Variants in PCDHGC3 observed in about 807,000 individuals in gnomAD.
PCDHGC3 encodes the protein protocadherin gamma-C3.
Under a neutral mutation model 59.2 loss-of-function variants are expected in PCDHGC3, and 26 were observed. The observed-to-expected ratio is 0.44, with a 90% CI of 0.32 to 0.61. PCDHGC3 has a LOEUF of 0.61. Among genes scored for constraint, PCDHGC3 ranks in the 20% least tolerant of loss-of-function variants. PCDHGC3 has a pLI of 0.05. For missense variants in PCDHGC3, 1,080 were observed against 1,221.8 expected (o/e 0.88, Z 1.73); for synonymous variants, 487 against 519.7 (o/e 0.94, Z 0.86).
At position 141,477,386 on chromosome 5, in the gene PCDHGC3, A is replaced by C; in HGVS notation, c.1270A>C (p.Asn424His). 1 of 1,614,116 alleles carries C rather than the reference A, an allele frequency of 6.2e-7. No homozygotes were observed. Among genetic ancestry groups the C allele is most frequent in the South Asian group, 1.1e-5 (1 of 91,080 alleles). Residue 424 changes from asparagine (N) to histidine (H), a missense_variant, in exon 1 of 4, where the codon AAC (asparagine) becomes CAC (histidine). Asn to His is a moderately conservative substitution (Grantham distance 68). Coordinates refer to ENST00000308177, the MANE Select transcript of PCDHGC3 (RefSeq NM_002588.4). The surrounding 1 kb of genome is among the most constrained non-coding windows in gnomAD (Gnocchi z 4.9). ...DLDRETVPEY[N>H]LSITARDAGT... ...GGATCGGGAGACTGTGCCAGAATAC[A>C]ACCTCAGCATCACCGCCCGAGACGC...
rs143779180 is a variant in PCDHGC3 at position 141,485,438 on chromosome 5, C to A, written c.2430+6892C>A. The A allele has an allele frequency of 9.9e-6, 16 of 1,614,170 alleles. No individual in the cohort carries two copies. The African/African-American group carries it at 1.3e-4, about 13-fold the overall frequency. Reference sequence around the variant, plus strand: ...CAGCGGAGCCCTGCTCATCAAGAACCCAATCGACCGAGAGGCACTGTGTGG... The same window carrying A: ...CAGCGGAGCCCTGCTCATCAAGAACACAATCGACCGAGAGGCACTGTGTGG... On this transcript the variant is annotated intron_variant, in intron 1 of 3. Coordinates refer to ENST00000308177, the MANE Select transcript of PCDHGC3 (RefSeq NM_002588.4). The surrounding 1 kb of genome is among the most constrained non-coding windows in gnomAD (Gnocchi z 5.7).
chr5:141,510,839 C>T (rs186647886), intron 3 of PCDHGC3, 108 bp from the exon 4 acceptor site: 36 of 1,586,990 alleles, frequency 2.3e-5, no homozygotes, highest in Non-Finnish European at 3.1e-5. Context: ...TCAGCGTGGT[C>T]AAGGCCCAGG....
At chr5:141,509,908 G>A (rs376035312) in intron 3 of PCDHGC3, among the ~76,000 whole-genome samples, 1 of 152,164 alleles carries the variant, frequency 6.6e-6, no homozygotes, top group African/African-American at 2.4e-5. Flanking sequence ...TCCAGCATGC[G>A]CTTAGGTACA....
At chr5:141,505,554 C>T in intron 3 of PCDHGC3, 73 bp downstream of exon 3, 1 of 1,606,130 alleles carries the variant, frequency 6.2e-7, no homozygotes, top group Non-Finnish European at 8.5e-7. Context: ...AGCCACCATG[C>T]CCACGGACTG....
At position 141,486,169 on chromosome 5, in the gene PCDHGC3, A is replaced by G. The variant is rs2099625537; in HGVS notation, c.2430+7623A>G. The G allele has an allele frequency of 1.2e-6, 2 of 1,614,088 alleles. No individual in the cohort carries two copies. Among genetic ancestry groups the G allele is most frequent in the East Asian group, 2.2e-5 (1 of 44,890 alleles). On this transcript the variant is annotated intron_variant, in intron 1 of 3. Transcript: ENST00000308177. The surrounding 1 kb of genome is among the most constrained non-coding windows in gnomAD (Gnocchi z 5.0). ...ATGGGGGTTCTCCAGCCATGGAGCA[A>G]CATTGCAGCCTTCGAGTGGATCTGC...
Position 141,485,855 on chromosome 5 carries a change from C to A in PCDHGC3, c.2430+7309C>A. ...CCCGCCGAGATCTGGCACCGCAGAG[C>A]TCCGGGTATCCGTGCTGGACGTAAA... On this transcript the variant is annotated intron_variant, in intron 1 of 3. Transcript: ENST00000308177. The surrounding 1 kb of genome is among the most constrained non-coding windows in gnomAD (Gnocchi z 5.7). 6.2e-7 allele frequency: 1 copy of A among 1,614,196 alleles called. No homozygotes were observed. Among genetic ancestry groups the A allele is most frequent in the Non-Finnish European group, 8.5e-7 (1 of 1,180,036 alleles).
intron 1 of PCDHGC3, among the ~76,000 whole-genome samples, chr5:141,492,118 TC>T (rs1338861093): frequency 6.6e-6 from 1 of 152,176 alleles, no homozygotes; most frequent in Non-Finnish European, 1.5e-5. Flanking sequence ...CTTCGATTTC[TC>T]CCCAGCTCCC....
At chr5:141,508,434 G>A (rs2099868795) in intron 3 of PCDHGC3, among the ~76,000 whole-genome samples, 1 of 152,160 alleles carries the variant, frequency 6.6e-6, no homozygotes, top group Admixed American at 6.5e-5. Flanking sequence ...AGCTCACACA[G>A]TTCCTTAGTG....
intron 2 of PCDHGC3, among the ~76,000 whole-genome samples, chr5:141,504,799 C>A (rs1474096570): frequency 6.6e-6 from 1 of 151,994 alleles, no homozygotes; most frequent in African/African-American, 2.4e-5. Context: ...CCTACATCTC[C>A]CCCTAGGTAC....
At position 141,486,735 on chromosome 5, in the gene PCDHGC3, G is replaced by T; in HGVS notation, c.2431-8072G>T. 6.2e-7 allele frequency: 1 copy of T among 1,614,176 alleles called. No individual in the cohort carries two copies. The highest frequency in any genetic ancestry group is 1.1e-5 in the South Asian group (1 of 91,086). On this transcript the variant is annotated intron_variant, in intron 1 of 3. Coordinates refer to ENST00000308177, the MANE Select transcript of PCDHGC3 (RefSeq NM_002588.4). The surrounding 1 kb of genome is among the most constrained non-coding windows in gnomAD (Gnocchi z 5.0). Reference sequence around the variant, plus strand: ...CAGACAGGAGCTGTTCATGCTACTCGATCCTTTGACTATGAGCAAACCCAG... The same window carrying T: ...CAGACAGGAGCTGTTCATGCTACTCTATCCTTTGACTATGAGCAAACCCAG...
At chr5:141,507,833 G>C (rs1184502436) in intron 3 of PCDHGC3, among the ~76,000 whole-genome samples, 2 of 152,172 alleles carry the variant, frequency 1.3e-5, no homozygotes, top group East Asian at 3.9e-4. Flanking sequence ...GGAGGTGGTG[G>C]GTCAGGCCCT....
chr5:141,489,625 A>G lies in PCDHGC3; in HGVS notation c.2431-5182A>G. ...GGTAGAGATCCTGGATCTCAATGAC[A>G]ACTCTCCTAGCTTTGCCACCCCTGA... On this transcript the variant is annotated intron_variant, in intron 1 of 3. Transcript: ENST00000308177. The surrounding 1 kb of genome is among the most constrained non-coding windows in gnomAD (Gnocchi z 4.5). 6.2e-7 allele frequency: 1 copy of G among 1,614,076 alleles called. No homozygotes were observed. The highest frequency in any genetic ancestry group is 8.5e-7 in the Non-Finnish European group (1 of 1,180,006).
intron 2 of PCDHGC3, among the ~76,000 whole-genome samples, chr5:141,497,832 G>A (rs1326640712): frequency 1.3e-5 from 2 of 151,992 alleles, no homozygotes; most frequent in Non-Finnish European, 2.9e-5. Context: ...GATCGCCCCC[G>A]GCCACAACAA....
Position 141,490,202 on chromosome 5 carries a change from G to A in PCDHGC3, c.2431-4605G>A, listed in dbSNP as rs1594889134. On this transcript the variant is annotated intron_variant, in intron 1 of 3. Coordinates refer to ENST00000308177, the MANE Select transcript of PCDHGC3 (RefSeq NM_002588.4). The surrounding 1 kb of genome is among the most constrained non-coding windows in gnomAD (Gnocchi z 5.4). ...TCACGTTTCTATGAAATTCATGCAA[G>A]AGCCCGTGACCAGGGACAGCCTGCC... 1.2e-6 allele frequency: 2 copies of A among 1,614,220 alleles called. No homozygotes were observed. The highest frequency in any genetic ancestry group is 2.7e-5 in the African/African-American group (2 of 75,060).
Position 141,491,663 on chromosome 5 carries a change from T to G in PCDHGC3, c.2431-3144T>G, listed in dbSNP as rs895604632. ...GCTCTGGCGCTGGAGCCTGACGCCA[T>G]CCGGTCCCGCTCTAATACGCTGCGG... On this transcript the variant is annotated intron_variant, in intron 1 of 3. Coordinates refer to ENST00000308177, the MANE Select transcript of PCDHGC3 (RefSeq NM_002588.4). The surrounding 1 kb of genome is among the most constrained non-coding windows in gnomAD (Gnocchi z 6.9). The G allele has an allele frequency of 3.1e-6, 5 of 1,613,650 alleles. No homozygotes were observed. Among genetic ancestry groups the G allele is most frequent in the Non-Finnish European group, 4.2e-6 (5 of 1,180,014 alleles).
rs1326296096 is a variant in PCDHGC3, at chr5:141,505,460, A to G, written c.2557A>G (p.Met853Val). The change falls in exon 3 of 4, where the codon ATG becomes GTG. Residue 853 changes from methionine to valine, a missense_variant. Transcript: ENST00000308177. Reference protein sequence around the residue: ...NQFDTEMLQAMILASASEAAD... With the variant: ...NQFDTEMLQAVILASASEAAD... ...GTTTGACACAGAGATGCTGCAAGCC[A>G]TGATCTTGGCGTCCGCCAGTGGTAA... 2 of 1,614,070 alleles carry G rather than the reference A, an allele frequency of 1.2e-6. No homozygotes were observed. The highest frequency in any genetic ancestry group is 1.3e-5 in the African/African-American group (1 of 74,942).
chr5:141,486,337 C>T lies in PCDHGC3; in HGVS notation c.2430+7791C>T, dbSNP rs116799150. On this transcript the variant is annotated intron_variant, in intron 1 of 3. Coordinates refer to ENST00000308177, the MANE Select transcript of PCDHGC3 (RefSeq NM_002588.4). The surrounding 1 kb of genome is among the most constrained non-coding windows in gnomAD (Gnocchi z 5.0). ...GGTCAAACGGAGATGTGAGCCTCCG[C>T]ATTCCTGACCACTTGCCATTTGCCC... 1 of 1,614,076 alleles carries T rather than the reference C, an allele frequency of 6.2e-7. No homozygotes were observed. Among genetic ancestry groups the T allele is most frequent in the Non-Finnish European group, 8.5e-7 (1 of 1,179,966 alleles).
Position 141,487,535 on chromosome 5 carries a change from G to A in PCDHGC3, c.2431-7272G>A. 6.2e-7 allele frequency: 1 copy of A among 1,614,154 alleles called. No individual in the cohort carries two copies. Among genetic ancestry groups the A allele is most frequent in the South Asian group, 1.1e-5 (1 of 91,084 alleles). ...CACTCGGAGTGATAGCTTCATGATG[G>A]TGAAGTCACCCAGTGCACCTATGGC... On this transcript the variant is annotated intron_variant, in intron 1 of 3. Transcript: ENST00000308177. This position sits in a 1 kb window ranked among gnomAD's most constrained non-coding sequence, Gnocchi z 5.0.
Position 141,491,954 on chromosome 5 carries a change from C to A in PCDHGC3, c.2431-2853C>A. ...TGGGACCGACCCCCACCCCTACACT[C>A]AAAAAAGGCCGGGGCCTCCTTCGAG... On this transcript the variant is annotated intron_variant, in intron 1 of 3. Transcript: ENST00000308177. This position sits in a 1 kb window ranked among gnomAD's most constrained non-coding sequence, Gnocchi z 6.9. The A allele has an allele frequency of 9.7e-7, 1 of 1,032,914 alleles. No individual in the cohort carries two copies. Among genetic ancestry groups the A allele is most frequent in the Non-Finnish European group, 1.3e-6 (1 of 747,256 alleles). The allele number at this position is 1,032,914 out of a possible 1,614,324, so 64.0% of individuals were successfully genotyped here.
Sources: gnomAD v4.1 joint callset for allele counts (sites outside exome capture counted in the v4.1 genomes callset) on GRCh38, gnomAD v4.1.1 for gene constraint, Gnocchi (gnomAD v3.1) non-coding constraint, MANE v1.5 for transcripts, NCBI Gene and HGNC (gene_info 2026-07-23, HGNC 2026-07-21) for gene names.